ZFP90: variants seen among roughly 807,000 people sequenced by gnomAD.
ZFP90 encodes the protein ZFP90 zinc finger protein.
In ZFP90, 38 loss-of-function variants were observed where a neutral mutation model predicts 60.8. The observed-to-expected ratio is 0.62, with a 90% confidence interval of 0.48 to 0.82. The LOEUF (loss-of-function observed/expected upper bound fraction) is 0.82, where lower values mean the gene tolerates loss of function less well. Ranked by LOEUF, ZFP90 falls within the 40% of genes least tolerant of loss-of-function variation. The pLI is 0.00. For missense variants in ZFP90, 711 were observed against 759.1 expected, an observed-to-expected ratio of 0.94 and a Z score of 0.74; for synonymous variants, 287 against 264.8, an observed-to-expected ratio of 1.08 and a Z score of -0.82.
At position 68,565,172 on chromosome 16, in the gene ZFP90, T is replaced by G. The variant is rs80176754; in HGVS notation, c.*474T>G. On this transcript the variant is annotated 3_prime_UTR_variant, in exon 5 of 5. Transcript: ENST00000563169. ...TCACCATTCAAAGAATTAGATCAAC[T>G]AGCCCAACCACTTCATTGTACAGAT... The G allele has an allele frequency of 7.7e-5, 76 of 991,620 alleles. No individual in the cohort carries two copies. In the East Asian group the frequency reaches 8.0e-3, roughly 105 times the overall value. 61.4% of individuals were successfully genotyped at this position (991,620 alleles called of 1,614,324 possible).
At chr16:68,557,288 A>T in intron 2 of ZFP90, 1 of 455,826 alleles carries the variant, frequency 2.2e-6, no homozygotes, top group Non-Finnish European at 4.4e-6. Context: ...TGTTAGGATT[A>T]CAGGTGTGAA....
In ZFP90 at chr16:68,567,048, T is replaced by G. The variant is rs144096658; in HGVS notation, c.*2350T>G. 1.5e-5 allele frequency: 15 copies of G among 985,486 alleles called. No homozygotes were observed. Among genetic ancestry groups the G allele is most frequent in the Admixed American group, 1.2e-4 (2 of 16,264 alleles). 61.0% of individuals were successfully genotyped at this position (985,486 alleles called of 1,614,324 possible). ...CCAACAGCCATGAACCATGCACTTA[T>G]GGATACCCAGCCTTTTAGGGCTACG... On this transcript the variant is annotated 3_prime_UTR_variant, in exon 5 of 5. Coordinates refer to ENST00000563169, the MANE Select transcript of ZFP90 (RefSeq NM_001305203.2).
chr16:68,565,158 A>G lies in ZFP90; in HGVS notation c.*460A>G. 6 of 992,830 alleles carry G rather than the reference A, an allele frequency of 6.0e-6. No homozygotes were observed. The highest frequency in any genetic ancestry group is 7.2e-6 in the Non-Finnish European group (6 of 834,668). The allele number at this position is 992,830 out of a possible 1,614,324, so 61.5% of individuals were successfully genotyped here. A position where few individuals can be genotyped will look rare whatever the true frequency, so the allele number is the denominator to read the frequency against. On this transcript the variant is annotated 3_prime_UTR_variant, in exon 5 of 5. Coordinates refer to ENST00000563169, the MANE Select transcript of ZFP90 (RefSeq NM_001305203.2). ...CCAACTCCAGGAAGTCACCATTCAAAGAATTAGATCAACTAGCCCAACCAC... is the reference window on the plus strand; with the variant it reads ...CCAACTCCAGGAAGTCACCATTCAAGGAATTAGATCAACTAGCCCAACCAC...
In ZFP90 at chr16:68,565,175, C is replaced by T; in HGVS notation, c.*477C>T. The T allele has an allele frequency of 1.0e-6, 1 of 991,566 alleles. No homozygotes were observed. Among genetic ancestry groups the T allele is most frequent in the Non-Finnish European group, 1.2e-6 (1 of 833,902 alleles). 61.4% of individuals were successfully genotyped at this position (991,566 alleles called of 1,614,324 possible). Reference sequence around the variant, plus strand: ...CCATTCAAAGAATTAGATCAACTAGCCCAACCACTTCATTGTACAGATGAA... The same window carrying T: ...CCATTCAAAGAATTAGATCAACTAGTCCAACCACTTCATTGTACAGATGAA... On this transcript the variant is annotated 3_prime_UTR_variant, in exon 5 of 5. Coordinates refer to ENST00000563169, the MANE Select transcript of ZFP90 (RefSeq NM_001305203.2).
upstream of ZFP90, among the ~76,000 whole-genome samples, chr16:68,536,956 C>T (rs933990337): frequency 6.6e-6 from 1 of 152,168 alleles, no homozygotes; most frequent in African/African-American, 2.4e-5. Context: ...AGTCTACCTG[C>T]CCTACCTCTG....
chr16:68,571,656 C>T (rs556615941), downstream of ZFP90, among the ~76,000 whole-genome samples: 19 of 152,118 alleles, frequency 1.2e-4, no homozygotes, highest in Non-Finnish European at 2.1e-4. Context: ...GGACCCAGCA[C>T]GGCGGCTCAC....
Position 68,563,041 on chromosome 16 carries a change from C to G in ZFP90, c.257-3C>G. 6.2e-7 allele frequency: 1 copy of G among 1,614,056 alleles called. No individual in the cohort carries two copies. The highest frequency in any genetic ancestry group is 8.5e-7 in the Non-Finnish European group (1 of 1,179,994). On this transcript the variant is annotated splice_region_variant and splice_polypyrimidine_tract_variant and intron_variant, in intron 4 of 4. Transcript: ENST00000563169. ...GGACTTTTGTACTTTGGATTTCTTT[C>G]AGACTGGAAGACCAGGCCTGAAGTC...
Position 68,563,247 on chromosome 16 carries a change from A to T in ZFP90, c.460A>T (p.Asn154Tyr). The T allele has an allele frequency of 6.2e-7, 1 of 1,613,584 alleles. No individual in the cohort carries two copies. The highest frequency in any genetic ancestry group is 8.5e-7 in the Non-Finnish European group (1 of 1,179,808). ...GAAGAAAATAATTACACCACAAGAA[A>T]ATTTTGAGCAAAATAAATTTGGTGA... ...TQKKIITPQE[N>Y]FEQNKFGENS... The change falls in exon 5 of 5, where the codon AAT (asparagine) becomes TAT (tyrosine). Residue 154 changes from asparagine (N) to tyrosine (Y), a missense_variant. Transcript: ENST00000563169.
chr16:68,569,650 T>C (rs2091556783), downstream of ZFP90, among the ~76,000 whole-genome samples: 2 of 151,986 alleles, frequency 1.3e-5, no homozygotes, highest in South Asian at 4.1e-4. Context: ...ACTTTTAATC[T>C]CAACACTTTG....
chr16:68,539,506 C>T (rs1469223127), intron 1 of ZFP90, 27 bp downstream of exon 1: 1 of 478,820 alleles, frequency 2.1e-6, no homozygotes, highest in Non-Finnish European at 3.7e-6. Context: ...GGGACCCCTC[C>T]TGGGTTTGGC....
intron 2 of ZFP90, among the ~76,000 whole-genome samples, 187 bp from the exon 3 acceptor site, chr16:68,557,811 T>C (rs1235492877): frequency 1.4e-5 from 2 of 147,616 alleles, no homozygotes; most frequent in African/African-American, 5.1e-5. Flanking sequence ...CCTCATAACT[T>C]TCCTGCCTGA....
At chr16:68,540,621 G>C (rs2091025163) in intron 2 of ZFP90, among the ~76,000 whole-genome samples, 1 of 151,878 alleles carries the variant, frequency 6.6e-6, no homozygotes, top group Non-Finnish European at 1.5e-5. Context: ...TTAGAATTAA[G>C]GGAAAATGAC....
At chr16:68,567,530 T>C (rs2091544783), downstream of ZFP90, among the ~76,000 whole-genome samples, 1 of 152,190 alleles carries the variant, frequency 6.6e-6, no homozygotes, top group Admixed American at 6.5e-5. Flanking sequence ...GGAGCCCTAC[T>C]TTGGGCTTTT....
rs200306813 is a variant in ZFP90 at position 68,558,473 on chromosome 16, G to T, written c.161G>T (p.Gly54Val). 2 of 1,613,764 alleles carry T rather than the reference G, an allele frequency of 1.2e-6. No homozygotes were observed. Among genetic ancestry groups the T allele is most frequent in the Admixed American group, 3.3e-5 (2 of 60,004 alleles). Reference protein sequence around the residue: ...LENYSHLVSLGYQVSKPEVIF... With the variant: ...LENYSHLVSLVYQVSKPEVIF... The stretch of plus-strand genomic sequence containing the variant: ...ATCTTGTGTATTTACCCATGAGCAG[G>T]ATATCAAGTTTCCAAGCCAGAGGTG... Residue 54 changes from glycine (G) to valine (V), a missense_variant and splice_region_variant, in exon 4 of 5, where the codon GGA becomes GTA. Transcript: ENST00000563169.
chr16:68,564,195 A>G lies in ZFP90; in HGVS notation c.1408A>G (p.Arg470Gly), dbSNP rs754514142. The change falls in exon 5 of 5, where the codon AGG becomes GGG. Residue 470 changes from arginine (R) to glycine (G), a missense_variant. By Grantham distance (125) the Arg-to-Gly change is moderately radical (BLOSUM62 -2). Transcript: ENST00000563169. ...SHITDFTDHQ[R>G]IHTAENPYDC... ...CATTACAGACTTTACTGACCATCAGAGGATCCATACTGCAGAGAACCCCTA... is the reference window on the plus strand; with the variant it reads ...CATTACAGACTTTACTGACCATCAGGGGATCCATACTGCAGAGAACCCCTA... The G allele has an allele frequency of 1.9e-6, 3 of 1,614,128 alleles. No homozygotes were observed. The highest frequency in any genetic ancestry group is 1.3e-5 in the African/African-American group (1 of 75,032).
intron 2 of ZFP90, among the ~76,000 whole-genome samples, chr16:68,549,678 CAAAA>C (rs35335958): frequency 2.1e-4 from 13 of 62,936 alleles, no homozygotes; most frequent in Admixed American, 4.8e-4. Context: ...GACTCCATCT[CAAAA>C]AAAAAAAAAA....
upstream of ZFP90, among the ~76,000 whole-genome samples, chr16:68,535,018 CTG>C (rs2090950545): frequency 6.6e-6 from 1 of 152,068 alleles, no homozygotes; most frequent in South Asian, 2.1e-4. Flanking sequence ...ACTATTTTTT[CTG>C]TCATTCATGG....
chr16:68,537,921 G>GTT (rs11462743), upstream of ZFP90, among the ~76,000 whole-genome samples: 971 of 151,250 alleles, frequency 6.4e-3, 9 homozygotes, highest in African/African-American at 0.021. Flanking sequence ...TTTTTGTTTT[G>GTT]TTTTTTTTGA....
rs2091006898 is a variant in ZFP90 at position 68,539,843 on chromosome 16, A to G, written c.33+18A>G. 1.2e-6 allele frequency: 2 copies of G among 1,605,844 alleles called. No individual in the cohort carries two copies. The highest frequency in any genetic ancestry group is 1.7e-6 in the Non-Finnish European group (2 of 1,177,802). ...CGCCCCAGGTGAGCAACGCGTTCCT[A>G]ACCTCCTGGGCATCCCATCCATCTA... On this transcript the variant is annotated intron_variant, in intron 2 of 4. Coordinates refer to ENST00000563169, the MANE Select transcript of ZFP90 (RefSeq NM_001305203.2).
Sources: allele counts gnomAD v4.1 joint callset (sites outside exome capture counted in the v4.1 genomes callset), GRCh38; gene constraint gnomAD v4.1.1; transcripts MANE v1.5; gene names NCBI Gene and HGNC (gene_info 2026-07-23, HGNC 2026-07-21).